The following TMEM267 variants were observed in gnomAD, a reference collection of about 807,000 sequenced individuals.
TMEM267 encodes the protein transmembrane protein C5orf28.
TMEM267 carries 20 observed loss-of-function variants against 19.3 expected under a neutral mutation model. The observed-to-expected ratio is 1.04, with a 90% CI of 0.73 to 1.51. TMEM267 has a LOEUF of 1.51. Among genes scored for constraint, TMEM267 ranks in the 40% most tolerant of loss-of-function variants. The probability of loss-of-function intolerance (pLI) is 0.00; values close to 1 mark genes in which losing one functional copy is unlikely to be tolerated. For synonymous variants in TMEM267, 88 were observed against 90.3 expected (o/e 0.97, Z 0.15); for missense variants, 242 against 261.9 (o/e 0.92, Z 0.52).
chr5:43,474,064 G>T (rs1038778027), intron 1 of TMEM267, among the ~76,000 whole-genome samples: 1 of 152,206 alleles, frequency 6.6e-6, no homozygotes. Flanking sequence ...CTAGCCATAT[G>T]CAGAAAGCTG....
At chr5:43,478,253 A>C (rs148062818) in intron 1 of TMEM267, among the ~76,000 whole-genome samples, 491 of 152,332 alleles carry the variant, frequency 3.2e-3, no homozygotes, top group Non-Finnish European at 5.4e-3. Flanking sequence ...ATTTTATATA[A>C]ACAACTTTAG....
At chr5:43,475,438 T>A (rs929993276) in intron 1 of TMEM267, among the ~76,000 whole-genome samples, 2 of 152,074 alleles carry the variant, frequency 1.3e-5, no homozygotes, top group Non-Finnish European at 2.9e-5. Context: ...GACAGGTTGA[T>A]GGGTGCAGCA....
At chr5:43,451,811 A>C (rs1486243051) in intron 2 of TMEM267, among the ~76,000 whole-genome samples, 2 of 152,202 alleles carry the variant, frequency 1.3e-5, no homozygotes, top group Non-Finnish European at 2.9e-5. Flanking sequence ...ACAGTGGCTC[A>C]TGCCTGTAAT....
At chr5:43,452,077 C>CAAAAA (rs375224453) in intron 2 of TMEM267, among the ~76,000 whole-genome samples, 3 of 86,368 alleles carry the variant, frequency 3.5e-5, no homozygotes, top group African/African-American at 8.8e-5. Flanking sequence ...GACCCTATCT[C>CAAAAA]AAAAAAAAAA....
At chr5:43,453,635 A>G in intron 2 of TMEM267, 23 bp downstream of exon 2, 1 of 1,592,918 alleles carries the variant, frequency 6.3e-7, no homozygotes, top group East Asian at 2.2e-5. Context: ...AAAGATCAGA[A>G]AAATTAAGCC....
intron 1 of TMEM267, among the ~76,000 whole-genome samples, chr5:43,469,536 A>G (rs561602491): frequency 6.6e-6 from 1 of 152,360 alleles, no homozygotes; most frequent in Admixed American, 6.5e-5. Context: ...TTGATGCTGA[A>G]AAAGGGCTAG....
chr5:43,452,157 A>T (rs1742640334), intron 2 of TMEM267, among the ~76,000 whole-genome samples: 1 of 152,114 alleles, frequency 6.6e-6, no homozygotes, highest in South Asian at 2.1e-4. Context: ...TGATTATGAC[A>T]GCACTATACA....
At chr5:43,478,473 T>C (rs1744560874) in intron 1 of TMEM267, among the ~76,000 whole-genome samples, 1 of 152,144 alleles carries the variant, frequency 6.6e-6, no homozygotes, top group African/African-American at 2.4e-5. Context: ...CCCAAAAATA[T>C]TTTAAAAAAT....
intron 1 of TMEM267, among the ~76,000 whole-genome samples, chr5:43,470,047 A>C (rs577858529): frequency 6.6e-6 from 1 of 152,318 alleles, no homozygotes; most frequent in Admixed American, 6.5e-5. Context: ...CAGGACTCAA[A>C]ATAATGCAAC....
chr5:43,457,334 T>G (rs1743010971), intron 1 of TMEM267, among the ~76,000 whole-genome samples: 1 of 152,196 alleles, frequency 6.6e-6, no homozygotes, highest in African/African-American at 2.4e-5. Flanking sequence ...CTAAAACTAC[T>G]ATTTAGGTTT....
chr5:43,464,772 G>C (rs1181010720), intron 1 of TMEM267, among the ~76,000 whole-genome samples: 1 of 152,210 alleles, frequency 6.6e-6, no homozygotes, highest in Non-Finnish European at 1.5e-5. Context: ...GCTGAAACTG[G>C]ATCCCTTCCT....
At chr5:43,465,096 A>C (rs1408177188) in intron 1 of TMEM267, among the ~76,000 whole-genome samples, 6 of 152,236 alleles carry the variant, frequency 3.9e-5, no homozygotes, top group Non-Finnish European at 5.9e-5. Context: ...CAATGAACTC[A>C]AACAAATTTA....
chr5:43,448,794 A>C (rs1017125278), intron 2 of TMEM267, among the ~76,000 whole-genome samples: 1 of 139,570 alleles, frequency 7.2e-6, no homozygotes, highest in East Asian at 2.2e-4. Flanking sequence ...ACCCCCCCCC[A>C]CAAAAAAAAC....
At chr5:43,452,414 T>TA (rs1214013357) in intron 2 of TMEM267, among the ~76,000 whole-genome samples, 1 of 152,026 alleles carries the variant, frequency 6.6e-6, no homozygotes, top group Non-Finnish European at 1.5e-5. Context: ...CACATGGACA[T>TA]ACAGAGTGGA....
chr5:43,453,799 A>G lies in TMEM267; in HGVS notation c.171T>C (p.His57=). 1 of 1,614,114 alleles carries G rather than the reference A, an allele frequency of 6.2e-7. No homozygotes were observed. Among genetic ancestry groups the G allele is most frequent in the Non-Finnish European group, 8.5e-7 (1 of 1,179,990 alleles). Residue 57 remains histidine, a synonymous_variant, in exon 2 of 3, where the codon CAT becomes CAC. Transcript: ENST00000397080. ...WLRALSDNAV[H]CVIGMWSWAV... is the part of the protein sequence containing the mutation. ...CCCATGACCACATGCCAATTACACA[A>G]TGTACTGCATTATCTGAGAGAGCAC...
At position 43,445,315 on chromosome 5, in the gene TMEM267, T is replaced by C. The variant is rs79193495; in HGVS notation, c.*907A>G. 6.6e-6 allele frequency: 1 copy of C among 152,194 alleles called. No individual in the cohort carries two copies. Among genetic ancestry groups the C allele is most frequent in the South Asian group, 2.1e-4 (1 of 4,836 alleles). 9.4% of individuals were successfully genotyped at this position (152,194 alleles called of 1,614,324 possible). The stretch of plus-strand genomic sequence containing the variant: ...TTTTAGAATAGTATATAAAATAGTA[T>C]ATAAACAAACTGATAGCAACTAAAA... On this transcript the variant is annotated 3_prime_UTR_variant, in exon 3 of 3. Coordinates refer to ENST00000397080, the MANE Select transcript of TMEM267 (RefSeq NM_022483.5).
intron 1 of TMEM267, among the ~76,000 whole-genome samples, chr5:43,461,261 G>A (rs1743240219): frequency 6.6e-6 from 1 of 152,114 alleles, no homozygotes; most frequent in African/African-American, 2.4e-5. Flanking sequence ...AGAGCCCTTG[G>A]GACCTGAACA....
intron 1 of TMEM267, among the ~76,000 whole-genome samples, chr5:43,462,975 T>C (rs6865982): frequency 0.6 from 90,979 of 151,802 alleles, 29,530 homozygotes; most frequent in African/African-American, 0.85. Context: ...ACAAAAAACT[T>C]TTCAAAAAAT....
rs1270581663 is a variant in TMEM267 at position 43,453,981 on chromosome 5, T to C, written c.-12A>G. The C allele has an allele frequency of 1.9e-6, 3 of 1,609,890 alleles. No homozygotes were observed. Among genetic ancestry groups the C allele is most frequent in the South Asian group, 2.2e-5 (2 of 90,776 alleles). On this transcript the variant is annotated 5_prime_UTR_variant, in exon 2 of 3. Coordinates refer to ENST00000397080, the MANE Select transcript of TMEM267 (RefSeq NM_022483.5). Reference sequence around the variant, plus strand: ...GTCTCGGATGCCATGACAAACAATATGTTAGTATAGACTAAAAGCCATCAG... The same window carrying C: ...GTCTCGGATGCCATGACAAACAATACGTTAGTATAGACTAAAAGCCATCAG...
Sources: gnomAD v4.1 joint callset for allele counts (sites outside exome capture counted in the v4.1 genomes callset) on GRCh38, gnomAD v4.1.1 for gene constraint, MANE v1.5 for transcripts, NCBI Gene and HGNC (gene_info 2026-07-23, HGNC 2026-07-21) for gene names.